The following WWP2 variants were observed in gnomAD, a reference collection of about 807,000 sequenced individuals.
The protein encoded by WWP2 is NEDD4-like E3 ubiquitin-protein ligase WWP2.
WWP2 carries 57 observed loss-of-function variants against 121.0 expected under a neutral mutation model. The ratio of observed to expected loss-of-function variants is 0.47; its 90% CI spans 0.38 to 0.59. The LOEUF (loss-of-function observed/expected upper bound fraction) is 0.59, where lower values mean the gene tolerates loss of function less well. Ranked by LOEUF, WWP2 falls within the 20% of genes least tolerant of loss-of-function variation. The pLI is 0.00. For missense variants in WWP2, 962 were observed against 1,158.9 expected, an observed-to-expected ratio of 0.83 and a Z score of 2.47; for synonymous variants, 449 against 441.3, an observed-to-expected ratio of 1.02 and a Z score of -0.22.
At chr16:69,822,639 C>T (rs1030971376) in intron 4 of WWP2, among the ~76,000 whole-genome samples, 1 of 151,846 alleles carries the variant, frequency 6.6e-6, no homozygotes, top group South Asian at 2.1e-4. Context: ...AAAAAGGAAT[C>T]GTCTAGAGGA....
intron 9 of WWP2, among the ~76,000 whole-genome samples, chr16:69,913,647 A>G (rs558117628): frequency 1.3e-5 from 2 of 152,314 alleles, no homozygotes; most frequent in African/African-American, 4.8e-5. Flanking sequence ...ATCCTCAAAG[A>G]TTTGGGAGAA....
intron 4 of WWP2, among the ~76,000 whole-genome samples, chr16:69,822,650 A>G (rs920417581): frequency 1.3e-5 from 2 of 152,068 alleles, no homozygotes; most frequent in African/African-American, 2.4e-5. Flanking sequence ...GTCTAGAGGA[A>G]CAAGAGAAAA....
intron 1 of WWP2, among the ~76,000 whole-genome samples, chr16:69,779,485 C>G (rs1477415218): frequency 1.3e-5 from 2 of 152,208 alleles, no homozygotes; most frequent in Non-Finnish European, 2.9e-5. Flanking sequence ...TCCCAGTTGC[C>G]TTTGTTCCTT....
intron 6 of WWP2, among the ~76,000 whole-genome samples, chr16:69,847,733 G>A (rs990270203): frequency 4.6e-5 from 7 of 151,924 alleles, no homozygotes; most frequent in Non-Finnish European, 8.8e-5. Flanking sequence ...ACCCATTCTT[G>A]CAGGTTCCCA....
chr16:69,868,292 G>A (rs1017382585), intron 6 of WWP2, among the ~76,000 whole-genome samples: 1 of 152,176 alleles, frequency 6.6e-6, no homozygotes, highest in African/African-American at 2.4e-5. Flanking sequence ...ATCATTCAGG[G>A]TAAGCCGCTA....
intron 6 of WWP2, among the ~76,000 whole-genome samples, chr16:69,860,570 G>T (rs2057398308): frequency 1.3e-5 from 2 of 152,210 alleles, no homozygotes; most frequent in Admixed American, 6.5e-5. Flanking sequence ...AGAATGCCGG[G>T]CAAGTAGATC....
intron 6 of WWP2, among the ~76,000 whole-genome samples, chr16:69,859,192 A>G (rs2057371873): frequency 6.6e-6 from 1 of 152,184 alleles, no homozygotes; most frequent in African/African-American, 2.4e-5. Flanking sequence ...GGGTCTCACA[A>G]GGCCAAAATC....
At chr16:69,808,185 A>T (rs2056319393) in intron 4 of WWP2, among the ~76,000 whole-genome samples, 1 of 152,114 alleles carries the variant, frequency 6.6e-6, no homozygotes, top group Admixed American at 6.6e-5. Flanking sequence ...TAGTGAGAAC[A>T]TGCAGTATGT....
intron 8 of WWP2, among the ~76,000 whole-genome samples, chr16:69,890,028 C>T (rs1567410100): frequency 1.3e-5 from 2 of 151,960 alleles, no homozygotes. Flanking sequence ...AGTCTTGGCT[C>T]ACTGCAGCCT....
At chr16:69,912,511 C>G in intron 9 of WWP2, among the ~76,000 whole-genome samples, 1 of 151,844 alleles carries the variant, frequency 6.6e-6, no homozygotes. Context: ...AACTCAGAAA[C>G]AAGAGATTAA....
chr16:69,803,741 C>G (rs1281912667), intron 4 of WWP2, among the ~76,000 whole-genome samples: 6 of 152,162 alleles, frequency 3.9e-5, no homozygotes, highest in Admixed American at 3.9e-4. Context: ...GACCCTGTCT[C>G]TACTAAAAAT....
chr16:69,932,158 C>T (rs904199563), intron 16 of WWP2, among the ~76,000 whole-genome samples: 12 of 152,288 alleles, frequency 7.9e-5, no homozygotes, highest in African/African-American at 1.9e-4. Flanking sequence ...GGAGAAACCC[C>T]GTCTCTATTA....
intron 7 of WWP2, among the ~76,000 whole-genome samples, chr16:69,887,318 T>TA (rs1041278072): frequency 2.6e-5 from 4 of 152,204 alleles, no homozygotes; most frequent in Admixed American, 2.6e-4. Flanking sequence ...AAGAAGGTGC[T>TA]AGTCATGTCT....
intron 4 of WWP2, among the ~76,000 whole-genome samples, chr16:69,807,090 A>G (rs1403200993): frequency 6.6e-6 from 1 of 151,038 alleles, no homozygotes; most frequent in East Asian, 1.9e-4. Context: ...GTGCAATGGC[A>G]TGATCTTGGC....
At chr16:69,912,289 CTCAAAAAAAAACAAAACAAAACCTCATTG>C (rs1445623637) in intron 9 of WWP2, among the ~76,000 whole-genome samples, 1 of 147,448 alleles carries the variant, frequency 6.8e-6, no homozygotes, top group Non-Finnish European at 1.5e-5. Flanking sequence ...GAGACTCCAT[CTCAAAAAAAAACAAAACAAAACCTCATTG>C]GTTTTAGATC....
At position 69,937,490 on chromosome 16, in the gene WWP2, G is replaced by A. The variant is rs1039884630; in HGVS notation, c.2239-58G>A. The stretch of plus-strand genomic sequence containing the variant: ...GTTTGGGGTAATGTCAAGTGCTAGC[G>A]AGTGGACGATGCGCGGGGAGGGACC... On this transcript the variant is annotated intron_variant, in intron 20 of 23. Transcript: ENST00000359154. This position sits in a 1 kb window ranked among gnomAD's most constrained non-coding sequence, Gnocchi z 6.6. 1.6e-5 allele frequency: 25 copies of A among 1,567,402 alleles called. 1 individual carries two copies. In the Middle Eastern group the frequency reaches 5.0e-4, roughly 31 times the overall value.
Position 69,856,886 on chromosome 16 carries a change from T to C in WWP2, c.575+14766T>C, listed in dbSNP as rs574521889. 9.5e-4 allele frequency among the ~76,000 whole-genome samples: 145 copies of C among 152,312 alleles called. 1 individual carries two copies. The highest frequency in any genetic ancestry group is 8.3e-4 in the South Asian group (4 of 4,824). The stretch of plus-strand genomic sequence containing the variant: ...TTTGTGTCCACTTGGCATATTTTTT[T>C]CCCTATTCATTTCATTTTAACCTAT... On this transcript the variant is annotated intron_variant, in intron 6 of 23. Coordinates refer to ENST00000359154, the MANE Select transcript of WWP2 (RefSeq NM_001270454.2).
At chr16:69,883,757 A>G (rs2057872881) in intron 7 of WWP2, among the ~76,000 whole-genome samples, 1 of 152,076 alleles carries the variant, frequency 6.6e-6, no homozygotes, top group Admixed American at 6.6e-5. Context: ...GTTAAACAGA[A>G]GAGCTACTAT....
intron 8 of WWP2, among the ~76,000 whole-genome samples, chr16:69,898,027 C>CTTT (rs369977148): frequency 1.2e-4 from 16 of 128,124 alleles, no homozygotes; most frequent in Admixed American, 3.4e-4. Flanking sequence ...TTCTTTCTTT[C>CTTT]TTTTTTTTTT....
Sources: gnomAD v4.1 joint callset for allele counts (sites outside exome capture counted in the v4.1 genomes callset) on GRCh38, gnomAD v4.1.1 for gene constraint, Gnocchi (gnomAD v3.1) non-coding constraint, MANE v1.5 for transcripts, NCBI Gene and HGNC (gene_info 2026-07-23, HGNC 2026-07-21) for gene names.